The following TRHDE variants were observed in gnomAD, a reference collection of about 807,000 sequenced individuals.
TRHDE encodes the protein thyrotropin releasing hormone degrading enzyme.
A neutral mutation model predicts 125.7 loss-of-function variants in TRHDE; 72 were observed. The ratio of observed to expected loss-of-function variants is 0.57; its 90% CI spans 0.47 to 0.70. The LOEUF is 0.70. TRHDE is among the 30% of genes least tolerant of loss of function. The pLI is 0.00. For synonymous variants in TRHDE, 509 were observed against 509.1 expected (o/e 1.00, Z 0.00); for missense variants, 1,110 against 1,327.1 (o/e 0.84, Z 2.54).
At chr12:72,241,504 T>C (rs1878482525) in intron 2 of TRHDE, among the ~76,000 whole-genome samples, 1 of 152,238 alleles carries the variant, frequency 6.6e-6, no homozygotes, top group African/African-American at 2.4e-5. Flanking sequence ...TAGTATTTAT[T>C]ATAAATATGT....
chr12:72,161,373 C>T (rs961357131), intron 2 of TRHDE, among the ~76,000 whole-genome samples: 1 of 148,202 alleles, frequency 6.7e-6, no homozygotes, highest in African/African-American at 2.5e-5. Flanking sequence ...GTGGAAGTTG[C>T]AGTGAACTGA....
At chr12:72,645,668 A>G (rs996962846) in intron 15 of TRHDE, among the ~76,000 whole-genome samples, 5 of 152,160 alleles carry the variant, frequency 3.3e-5, no homozygotes, top group Non-Finnish European at 7.4e-5. Context: ...ATCAAGACAC[A>G]TTATAATTAA....
At chr12:72,213,651 A>G (rs1877830151) in intron 2 of TRHDE, among the ~76,000 whole-genome samples, 1 of 152,150 alleles carries the variant, frequency 6.6e-6, no homozygotes, top group African/African-American at 2.4e-5. Context: ...CATTTTCCAT[A>G]TACTTATCTA....
intron 18 of TRHDE, among the ~76,000 whole-genome samples, chr12:72,662,112 C>T (rs1241804797): frequency 2.0e-5 from 3 of 152,186 alleles, no homozygotes; most frequent in Non-Finnish European, 1.5e-5. Context: ...AATCTTGATA[C>T]ACTGCATTTC....
chr12:72,662,439 A>G (rs1180767177), intron 18 of TRHDE, among the ~76,000 whole-genome samples: 1 of 152,168 alleles, frequency 6.6e-6, no homozygotes, highest in East Asian at 1.9e-4. Context: ...ATAAGACCAT[A>G]TCCCTCCTTT....
chr12:72,487,401 A>T (rs1877465578), intron 5 of TRHDE, among the ~76,000 whole-genome samples: 2 of 152,190 alleles, frequency 1.3e-5, no homozygotes, highest in Admixed American at 6.5e-5. Flanking sequence ...AGAAAAGCAT[A>T]GTCATATATA....
chr12:72,206,059 A>T (rs1877658081), intron 2 of TRHDE, among the ~76,000 whole-genome samples: 1 of 150,646 alleles, frequency 6.6e-6, no homozygotes, highest in South Asian at 2.1e-4. Flanking sequence ...CAGGTGTGGC[A>T]TGATATCTTA....
At chr12:72,660,658 T>G (rs960654767) in intron 18 of TRHDE, among the ~76,000 whole-genome samples, 3 of 152,206 alleles carry the variant, frequency 2.0e-5, no homozygotes, top group African/African-American at 7.2e-5. Flanking sequence ...TTAATAATGT[T>G]TATACTAATG....
chr12:72,412,637 T>G (rs550644690), intron 3 of TRHDE, among the ~76,000 whole-genome samples: 2 of 152,030 alleles, frequency 1.3e-5, no homozygotes, highest in African/African-American at 4.8e-5. Flanking sequence ...CTGTTTATAA[T>G]AGCCAAACAC....
At chr12:72,538,880 C>T (rs1868999374) in intron 6 of TRHDE, among the ~76,000 whole-genome samples, 1 of 151,556 alleles carries the variant, frequency 6.6e-6, no homozygotes, top group Non-Finnish European at 1.5e-5. Flanking sequence ...TTTTTGAAAA[C>T]CAATTTTCCA....
rs370394091 is a variant in TRHDE, at chr12:72,285,522, C to CTT, written c.915-1143_915-1142dup. ...AGTGTCTGAGTGTCCTTTTTTTCTT[C>CTT]TTTTTTTTTTTTTTTTTGAGACAGG... On this transcript the variant is annotated intron_variant, in intron 1 of 18. Transcript: ENST00000261180. Among the ~76,000 whole-genome samples, 1,238 of 131,366 alleles carry CTT rather than the reference C, an allele frequency of 9.4e-3. 44 individuals carry two copies. The East Asian group carries it at 0.097, about 10-fold the overall frequency. The allele number at this position is 131,366 out of a possible 152,430, so 86.2% of individuals were successfully genotyped here.
chr12:72,566,355 G>T (rs533195495), intron 9 of TRHDE, among the ~76,000 whole-genome samples: 1 of 150,672 alleles, frequency 6.6e-6, no homozygotes, highest in South Asian at 2.1e-4. Context: ...CTCAAAGTTT[G>T]TATCCCCAAA....
chr12:72,509,273 C>G (rs1027424598), intron 6 of TRHDE, among the ~76,000 whole-genome samples: 10 of 151,518 alleles, frequency 6.6e-5, no homozygotes, highest in African/African-American at 1.5e-4. Flanking sequence ...AACCACCGCA[C>G]CCCCCCGCAC....
intron 2 of TRHDE, among the ~76,000 whole-genome samples, chr12:72,170,938 ATCTATTCGAGAGCT>A (rs1353551382): frequency 6.6e-6 from 1 of 152,162 alleles, no homozygotes; most frequent in African/African-American, 2.4e-5. Context: ...CAGGAAGCTA[ATCTATTCGAGAGCT>A]TCTGGGTAAT....
At chr12:72,480,362 G>T (rs1047514705) in intron 5 of TRHDE, among the ~76,000 whole-genome samples, 6 of 151,838 alleles carry the variant, frequency 4.0e-5, no homozygotes, top group African/African-American at 1.5e-4. Context: ...ATTCTAACTG[G>T]TGTGAGATGG....
intron 3 of TRHDE, among the ~76,000 whole-genome samples, chr12:72,453,513 A>G (rs1875684360): frequency 6.6e-6 from 1 of 152,236 alleles, no homozygotes; most frequent in African/African-American, 2.4e-5. Context: ...GCTATGTGGA[A>G]GAAAAGAAAA....
chr12:72,173,494 C>A (rs1385288469), intron 2 of TRHDE, among the ~76,000 whole-genome samples: 1 of 152,104 alleles, frequency 6.6e-6, no homozygotes, highest in East Asian at 1.9e-4. Flanking sequence ...GAACATAGGA[C>A]ACTCTTGAAA....
At position 72,499,609 on chromosome 12, in the gene TRHDE, G is replaced by A; in HGVS notation, c.1696G>A (p.Val566Met). 1.2e-6 allele frequency: 2 copies of A among 1,613,662 alleles called. No individual in the cohort carries two copies. The highest frequency in any genetic ancestry group is 1.7e-6 in the Non-Finnish European group (2 of 1,179,772). ...GCTGCAGGCAACAGATATTGACAGG[G>A]TGTTTGACTGGATCGCATATAAAAA... ...EVLQATDIDR[V>M]FDWIAYKKGA... The change falls in exon 6 of 19, where the codon GTG becomes ATG. Residue 566 changes from valine (V) to methionine (M), a missense_variant. Transcript: ENST00000261180.
intron 3 of TRHDE, among the ~76,000 whole-genome samples, chr12:72,414,155 C>G (rs1873631811): frequency 6.6e-6 from 1 of 152,040 alleles, no homozygotes; most frequent in Admixed American, 6.6e-5. Context: ...TTTGAGGATA[C>G]ATGCTGACAG....
Sources: gnomAD v4.1 joint callset for allele counts (sites outside exome capture counted in the v4.1 genomes callset) on GRCh38, gnomAD v4.1.1 for gene constraint, MANE v1.5 for transcripts, NCBI Gene and HGNC (gene_info 2026-07-23, HGNC 2026-07-21) for gene names.